Variants in TRPM6 observed in about 807,000 individuals in gnomAD.
TRPM6 encodes transient receptor potential cation channel subfamily M member 6.
Under a neutral mutation model 247.6 loss-of-function variants are expected in TRPM6, and 111 were observed. The observed-to-expected ratio is 0.45, with a 90% CI of 0.38 to 0.52. The LOEUF (loss-of-function observed/expected upper bound fraction) is 0.52. TRPM6 is among the 20% of genes least tolerant of loss of function. TRPM6 has a pLI of 0.00. For missense variants in TRPM6, 2,126 were observed against 2,421.5 expected (o/e 0.88, Z 2.56); for synonymous variants, 892 against 853.8 (o/e 1.04, Z -0.78).
intron 7 of TRPM6, among the ~76,000 whole-genome samples, chr9:74,825,806 A>G (rs1029741039): frequency 1.3e-5 from 2 of 152,176 alleles, no homozygotes; most frequent in African/African-American, 4.8e-5. Context: ...CAGAGGCAAC[A>G]GGACATTTCA....
At chr9:74,727,032 C>A (rs538158999) in intron 38 of TRPM6, among the ~76,000 whole-genome samples, 2 of 152,102 alleles carry the variant, frequency 1.3e-5, no homozygotes, top group Non-Finnish European at 2.9e-5. Context: ...CCCTGGCTGA[C>A]CACTATATTC....
intron 1 of TRPM6, among the ~76,000 whole-genome samples, chr9:74,870,914 C>T (rs1030242245): frequency 6.6e-6 from 1 of 150,782 alleles, no homozygotes; most frequent in African/African-American, 2.4e-5. Context: ...GCCTAGGTGA[C>T]AGAGAGATAC....
chr9:74,732,703 A>G lies in TRPM6; in HGVS notation c.5810T>C (p.Ile1937Thr). Residue 1937 changes from isoleucine to threonine, a missense_variant, in exon 37 of 39, where the codon ATA becomes ACA. Coordinates refer to ENST00000360774, the MANE Select transcript of TRPM6 (RefSeq NM_017662.5). ...AACTTACTGTTTGACTTCAGGTTTT[A>G]TAACAGATGGATCTGTCAAATTTTC... ...VGENLTDPSV[I>T]KPEVKQSRGM... 1 of 1,609,410 alleles carries G rather than the reference A, an allele frequency of 6.2e-7. No individual in the cohort carries two copies. The highest frequency in any genetic ancestry group is 8.5e-7 in the Non-Finnish European group (1 of 1,177,572).
chr9:74,745,124 G>C (rs748322205), intron 31 of TRPM6, among the ~76,000 whole-genome samples: 1 of 152,190 alleles, frequency 6.6e-6, no homozygotes, highest in South Asian at 2.1e-4. Context: ...TACAGTTAAA[G>C]TAATATACGT....
At chr9:74,778,124 T>A (rs1300786196) in intron 23 of TRPM6, among the ~76,000 whole-genome samples, 2 of 152,132 alleles carry the variant, frequency 1.3e-5, no homozygotes, top group African/African-American at 4.8e-5. Flanking sequence ...CGGTGCTGCA[T>A]TTGGCTTCAA....
At chr9:74,841,376 C>A (rs1829933449) in intron 4 of TRPM6, among the ~76,000 whole-genome samples, 1 of 152,100 alleles carries the variant, frequency 6.6e-6, no homozygotes. Context: ...GAAGTAAGGA[C>A]AATAAGAAAC....
intron 27 of TRPM6, among the ~76,000 whole-genome samples, chr9:74,758,281 A>G (rs1682526099): frequency 6.6e-6 from 1 of 152,168 alleles, no homozygotes; most frequent in Admixed American, 6.5e-5. Flanking sequence ...CACTAAATAA[A>G]CCAAGCATCA....
At chr9:74,876,672 A>G (rs945605869) in intron 1 of TRPM6, among the ~76,000 whole-genome samples, 8 of 152,174 alleles carry the variant, frequency 5.3e-5, no homozygotes, top group African/African-American at 1.9e-4. Flanking sequence ...CCAATCCCTG[A>G]AGCACTATAG....
intron 27 of TRPM6, 106 bp downstream of exon 27, chr9:74,761,590 A>G: frequency 1.3e-6 from 1 of 770,874 alleles, no homozygotes; most frequent in Non-Finnish European, 2.3e-6. Context: ...TTTCAACACA[A>G]TGTTATTTTG....
At chr9:74,772,151 C>G (rs146479730) in intron 24 of TRPM6, among the ~76,000 whole-genome samples, 1 of 152,012 alleles carries the variant, frequency 6.6e-6, no homozygotes, top group African/African-American at 2.4e-5. Context: ...ATTAGCTAGG[C>G]GCCTGTGGTC....
intron 2 of TRPM6, among the ~76,000 whole-genome samples, chr9:74,858,117 G>A (rs1039210590): frequency 5.9e-5 from 9 of 152,138 alleles, no homozygotes; most frequent in Non-Finnish European, 1.0e-4. Context: ...TTTATCGCTC[G>A]GTGGCTCACG....
chr9:74,847,945 C>G (rs57588830), intron 3 of TRPM6, among the ~76,000 whole-genome samples: 24,771 of 152,096 alleles, frequency 0.16, 2,327 homozygotes, highest in East Asian at 0.28. Flanking sequence ...CAGATAGTAC[C>G]AAACCTAATT....
intron 38 of TRPM6, 126 bp from the exon 39 acceptor site, chr9:74,724,872 G>A: frequency 8.0e-7 from 1 of 1,253,272 alleles, no homozygotes; most frequent in Non-Finnish European, 1.1e-6. Context: ...CCATAGATAT[G>A]TGGAACTCAA....
intron 23 of TRPM6, among the ~76,000 whole-genome samples, chr9:74,777,411 C>A (rs1031013534): frequency 2.0e-5 from 3 of 152,078 alleles, no homozygotes; most frequent in Admixed American, 6.5e-5. Context: ...TCATCTCTAA[C>A]GTGAGAAATT....
rs1178223426 is a variant in TRPM6 at position 74,723,382 on chromosome 9, G to T, written c.*1231C>A. 2 of 151,876 alleles carry T rather than the reference G, an allele frequency of 1.3e-5. No individual in the cohort carries two copies. Among genetic ancestry groups the T allele is most frequent in the African/African-American group, 4.8e-5 (2 of 41,324 alleles). 9.4% of individuals were successfully genotyped at this position (151,876 alleles called of 1,614,324 possible). A position where few individuals can be genotyped will look rare whatever the true frequency, so the allele number is the denominator to read the frequency against. The stretch of plus-strand genomic sequence containing the variant: ...CTGCAATATTATATATACAACTTTG[G>T]AAGGAGGAGTGGTGTTTTACAGGTT... On this transcript the variant is annotated 3_prime_UTR_variant, in exon 39 of 39. Transcript: ENST00000360774.
intron 1 of TRPM6, among the ~76,000 whole-genome samples, chr9:74,871,545 G>A (rs1831031793): frequency 6.6e-6 from 1 of 152,118 alleles, no homozygotes; most frequent in Non-Finnish European, 1.5e-5. Flanking sequence ...ACCTGGTCAT[G>A]TATATATATG....
intron 1 of TRPM6, among the ~76,000 whole-genome samples, chr9:74,864,045 C>T (rs1409658387): frequency 1.3e-5 from 2 of 152,166 alleles, no homozygotes; most frequent in South Asian, 4.2e-4. Flanking sequence ...TAACTGACTC[C>T]GATTTTGATT....
chr9:74,782,213 G>C (rs1695557395), intron 23 of TRPM6, 149 bp downstream of exon 23: 2 of 615,220 alleles, frequency 3.3e-6, no homozygotes, highest in Non-Finnish European at 5.8e-6. Context: ...CTTCTTATCA[G>C]TAGTTTTATG....
intron 19 of TRPM6, among the ~76,000 whole-genome samples, chr9:74,791,965 C>G (rs7041966): frequency 0.28 from 42,385 of 151,848 alleles, 6,093 homozygotes; most frequent in African/African-American, 0.35. Context: ...CACCATGTTA[C>G]CCAGGATGGT....
Sources: allele counts gnomAD v4.1 joint callset (sites outside exome capture counted in the v4.1 genomes callset), GRCh38; gene constraint gnomAD v4.1.1; transcripts MANE v1.5; gene names NCBI Gene and HGNC (gene_info 2026-07-23, HGNC 2026-07-21).